QKI: variants seen among roughly 807,000 people sequenced by gnomAD.
The protein encoded by QKI is KH domain-containing RNA-binding protein QKI.
In QKI, 10 loss-of-function variants were observed where a neutral mutation model predicts 39.0. The observed-to-expected ratio is 0.26, with a 90% confidence interval of 0.16 to 0.43. The LOEUF (loss-of-function observed/expected upper bound fraction) is 0.43. QKI is among the 20% of genes least tolerant of loss of function. The pLI is 1.00. For synonymous variants in QKI, 204 were observed against 155.4 expected, an observed-to-expected ratio of 1.31 and a Z score of -2.33; for missense variants, 218 against 428.0, an observed-to-expected ratio of 0.51 and a Z score of 4.33.
chr6:163,491,412 TGTAAAC>T (rs1778045779), intron 3 of QKI, among the ~76,000 whole-genome samples: 1 of 152,180 alleles, frequency 6.6e-6, no homozygotes, highest in Non-Finnish European at 1.5e-5. Context: ...GTTTCAGGAT[TGTAAAC>T]TAGCTCCCTG....
intron 1 of QKI, among the ~76,000 whole-genome samples, chr6:163,446,568 A>G (rs948427008): frequency 1.3e-5 from 2 of 152,188 alleles, no homozygotes; most frequent in Non-Finnish European, 1.5e-5. Context: ...TACAGTGACT[A>G]TTATATATAG....
chr6:163,447,126 A>G (rs1315194411), intron 1 of QKI, among the ~76,000 whole-genome samples: 1 of 152,004 alleles, frequency 6.6e-6, no homozygotes, highest in Non-Finnish European at 1.5e-5. Context: ...GAAATCCTCT[A>G]TGAAACTCTT....
At chr6:163,469,923 T>A (rs1792057674) in intron 2 of QKI, among the ~76,000 whole-genome samples, 1 of 152,182 alleles carries the variant, frequency 6.6e-6, no homozygotes, top group Non-Finnish European at 1.5e-5. Flanking sequence ...TAGACCTCTT[T>A]AGATTAAAAA....
chr6:163,540,427 G>A (rs965557145), intron 4 of QKI, among the ~76,000 whole-genome samples: 11 of 152,080 alleles, frequency 7.2e-5, no homozygotes, highest in Admixed American at 6.6e-4. Flanking sequence ...TATTTCATCA[G>A]TTTGCATAAC....
In QKI at chr6:163,572,268, T is replaced by G. The variant is rs1055645996; in HGVS notation, c.*1558T>G. 2 of 152,214 alleles carry G rather than the reference T, an allele frequency of 1.3e-5. No individual in the cohort carries two copies. The highest frequency in any genetic ancestry group is 2.9e-5 in the Non-Finnish European group (2 of 68,022). The allele number at this position is 152,214 out of a possible 1,614,324, so 9.4% of individuals were successfully genotyped here. On this transcript the variant is annotated 3_prime_UTR_variant, in exon 8 of 8. Transcript: ENST00000361752. ...AGAAGGGGGATGCATTCATTTGATT[T>G]TGTTTTTTGTTTTTAATTAATTGAA...
chr6:163,453,085 A>G (rs1031432818), intron 1 of QKI, among the ~76,000 whole-genome samples: 1 of 151,376 alleles, frequency 6.6e-6, no homozygotes, highest in African/African-American at 2.4e-5. Flanking sequence ...AACTTGCAAT[A>G]GATTCTTTTG....
chr6:163,478,904 C>T lies in QKI; in HGVS notation c.402+8C>T, dbSNP rs751700885. On this transcript the variant is annotated splice_region_variant and intron_variant, in intron 3 of 7. Transcript: ENST00000361752. ...ATGAGGGATAAAAAAAAGGTAAGTCCTTGAAAATGGACTAAGTCTTTATGT... is the reference window on the plus strand; with the variant it reads ...ATGAGGGATAAAAAAAAGGTAAGTCTTTGAAAATGGACTAAGTCTTTATGT... The T allele has an allele frequency of 3.2e-6, 5 of 1,573,326 alleles. No individual in the cohort carries two copies. In the East Asian group the frequency reaches 6.7e-5, roughly 21 times the overall value.
chr6:163,568,449 G>T (rs762367568), intron 7 of QKI: 1 of 985,400 alleles, frequency 1.0e-6, no homozygotes, highest in African/African-American at 1.7e-5. Context: ...GTTTTGATTA[G>T]TCCTGTCACT....
At chr6:163,542,130 C>T (rs1018484617) in intron 4 of QKI, among the ~76,000 whole-genome samples, 46 of 151,590 alleles carry the variant, frequency 3.0e-4, no homozygotes, top group African/African-American at 1.1e-3. Flanking sequence ...GGAATAGTAG[C>T]CCCCCCAAAA....
chr6:163,472,951 CGAAG>C (rs1021908925), intron 2 of QKI, among the ~76,000 whole-genome samples: 1 of 150,398 alleles, frequency 6.6e-6, no homozygotes, highest in African/African-American at 2.5e-5. Flanking sequence ...GCAGATTAAA[CGAAG>C]GAAGGGAAAA....
intron 1 of QKI, among the ~76,000 whole-genome samples, chr6:163,433,269 T>C (rs1788979495): frequency 6.6e-6 from 1 of 152,172 alleles, no homozygotes; most frequent in South Asian, 2.1e-4. Context: ...TATTACTTTG[T>C]GGATATTTAA....
intron 3 of QKI, among the ~76,000 whole-genome samples, chr6:163,526,527 C>T (rs1305057750): frequency 3.3e-5 from 5 of 152,178 alleles, no homozygotes; most frequent in African/African-American, 1.2e-4. Context: ...AACAGGAGCT[C>T]AGCCCAAAGT....
chr6:163,499,800 C>T (rs1012437966), intron 3 of QKI, among the ~76,000 whole-genome samples: 1 of 152,050 alleles, frequency 6.6e-6, no homozygotes, highest in Non-Finnish European at 1.5e-5. Context: ...GGACTAGACA[C>T]AAAACTGGGA....
At chr6:163,421,862 A>G (rs888503897) in intron 1 of QKI, among the ~76,000 whole-genome samples, 1 of 151,178 alleles carries the variant, frequency 6.6e-6, no homozygotes, top group East Asian at 1.9e-4. Flanking sequence ...CTCCTCCCTC[A>G]GCCTCCCGAG....
rs1309242121 is a variant in QKI, at chr6:163,529,847, G to A, written c.403-5135G>A. 2.0e-4 allele frequency among the ~76,000 whole-genome samples: 30 copies of A among 152,190 alleles called. 1 individual carries two copies. Among genetic ancestry groups the A allele is most frequent in the Non-Finnish European group, 4.3e-4 (29 of 68,030 alleles). On this transcript the variant is annotated intron_variant, in intron 3 of 7. Coordinates refer to ENST00000361752, the MANE Select transcript of QKI (RefSeq NM_006775.3). ...CACGCTGATTCAGAAAATTCATTCA[G>A]GATGAGTAATAGCTGAGACATTAAT...
intron 4 of QKI, among the ~76,000 whole-genome samples, chr6:163,559,922 A>G (rs1238066696): frequency 5.3e-5 from 8 of 152,196 alleles, no homozygotes; most frequent in African/African-American, 2.4e-5. Context: ...TGTAAATATC[A>G]CAAAGTCATG....
intron 1 of QKI, among the ~76,000 whole-genome samples, chr6:163,417,479 G>T (rs1168721716): frequency 6.6e-6 from 1 of 152,096 alleles, no homozygotes; most frequent in Non-Finnish European, 1.5e-5. Flanking sequence ...AAGGCTTCTT[G>T]TGCTTTTATG....
intron 4 of QKI, among the ~76,000 whole-genome samples, chr6:163,555,217 TG>T (rs2128247733): frequency 6.6e-6 from 1 of 152,306 alleles, no homozygotes; most frequent in East Asian, 1.9e-4. Flanking sequence ...TGCAAGGCTT[TG>T]GGGGTTACAA....
At chr6:163,537,973 T>C (rs1781300622) in intron 4 of QKI, among the ~76,000 whole-genome samples, 1 of 152,232 alleles carries the variant, frequency 6.6e-6, no homozygotes, top group Non-Finnish European at 1.5e-5. Flanking sequence ...TGCCATAGCT[T>C]ACCTTTCAGG....
Sources: gnomAD v4.1 joint callset for allele counts (sites outside exome capture counted in the v4.1 genomes callset) on GRCh38, gnomAD v4.1.1 for gene constraint, MANE v1.5 for transcripts, NCBI Gene and HGNC (gene_info 2026-07-23, HGNC 2026-07-21) for gene names.